STRIP1: variants seen among roughly 807,000 people sequenced by gnomAD.
STRIP1 encodes the protein striatin-interacting protein 1.
In STRIP1, 63 loss-of-function variants were observed where a neutral mutation model predicts 106.2. The ratio of observed to expected loss-of-function variants is 0.59; its 90% CI spans 0.48 to 0.73. The LOEUF (loss-of-function observed/expected upper bound fraction) is 0.73, where lower values mean the gene tolerates loss of function less well. Among genes scored for constraint, STRIP1 ranks in the 30% least tolerant of loss-of-function variants. The pLI, the probability that STRIP1 is intolerant of heterozygous loss-of-function variation, is 0.00. For synonymous variants in STRIP1, 390 were observed against 413.0 expected (o/e 0.94, Z 0.67); for missense variants, 857 against 1,074.8 (o/e 0.80, Z 2.83).
chr1:110,053,611 G>T, intron 20 of STRIP1, 54 bp from the exon 21 acceptor site: 2 of 1,597,486 alleles, frequency 1.3e-6, no homozygotes, highest in South Asian at 1.1e-5. Context: ...TGAATCCATG[G>T]GGAGCTGCTA....
chr1:110,048,770 T>C (rs768487627), intron 15 of STRIP1, among the ~76,000 whole-genome samples: 4 of 152,194 alleles, frequency 2.6e-5, no homozygotes, highest in Non-Finnish European at 4.4e-5. Context: ...CTTGCCAATA[T>C]CCTGGTATTC....
At chr1:110,051,149 G>A in intron 19 of STRIP1, 89 bp downstream of exon 19, 1 of 853,492 alleles carries the variant, frequency 1.2e-6, no homozygotes, top group Non-Finnish European at 2.0e-6. Context: ...GGGGCTCACT[G>A]TGCCTTCTCA....
chr1:110,053,921 GT>G lies in STRIP1; in HGVS notation c.*11del. ...AAGAGCTGCTGCAGTGAGGCTGTTG[GT>G]TAGGGGACTGAAATGGAGAGAAAAG... On this transcript the variant is annotated 3_prime_UTR_variant, in exon 21 of 21. Transcript: ENST00000369795. 1 of 1,613,844 alleles carries G rather than the reference GT, an allele frequency of 6.2e-7. No homozygotes were observed. Among genetic ancestry groups the G allele is most frequent in the Non-Finnish European group, 8.5e-7 (1 of 1,179,892 alleles).
At chr1:110,050,675 C>T (rs1446836003) in intron 18 of STRIP1, among the ~76,000 whole-genome samples, 1 of 152,212 alleles carries the variant, frequency 6.6e-6, no homozygotes, top group Non-Finnish European at 1.5e-5. Context: ...GGCTTCTCTC[C>T]CTCAACACTG....
Position 110,051,666 on chromosome 1 carries a change from C to T in STRIP1, c.2062-17C>T, listed in dbSNP as rs1361256360. 4 of 1,585,050 alleles carry T rather than the reference C, an allele frequency of 2.5e-6. No homozygotes were observed. Among genetic ancestry groups the T allele is most frequent in the Non-Finnish European group, 3.4e-6 (4 of 1,165,074 alleles). ...TTTTGTCTTCAACTTGGGCTGCTTG[C>T]TTGTTTCCCTTCCCAGATGCTGGTG... On this transcript the variant is annotated splice_polypyrimidine_tract_variant and intron_variant, in intron 19 of 20. Coordinates refer to ENST00000369795, the MANE Select transcript of STRIP1 (RefSeq NM_033088.4).
chr1:110,041,763 G>T lies in STRIP1; in HGVS notation c.787G>T (p.Ala263Ser), dbSNP rs923573675. Residue 263 changes from alanine (A) to serine (S), a missense_variant, in exon 8 of 21, where the codon GCC becomes TCC. Around this residue, in one of 2 missense-constraint regions of STRIP1, gnomAD observed 750 missense variants for 989.8 expected, o/e 0.76. Coordinates refer to ENST00000369795, the MANE Select transcript of STRIP1 (RefSeq NM_033088.4). ...CCCGCTGTACAACAATGAGCCATTT[G>T]CCATCATGCTGTTTGGGATGGTGAC... ...GSPLYNNEPF[A>S]IMLFGMVTKF... 6 of 1,614,114 alleles carry T rather than the reference G, an allele frequency of 3.7e-6. No homozygotes were observed. The East Asian group carries it at 1.3e-4, about 36-fold the overall frequency.
chr1:110,050,498 G>A lies in STRIP1; in HGVS notation c.1956+89G>A, dbSNP rs74540222. ...CTACCCCAACACTGCAGGAATAGAGGTGTCTCCCGCAGGTGAAATCACTGT... is the reference window on the plus strand; with the variant it reads ...CTACCCCAACACTGCAGGAATAGAGATGTCTCCCGCAGGTGAAATCACTGT... On this transcript the variant is annotated intron_variant, in intron 18 of 20. Coordinates refer to ENST00000369795, the MANE Select transcript of STRIP1 (RefSeq NM_033088.4). 3.3e-3 allele frequency: 4,213 copies of A among 1,257,878 alleles called. 98 individuals are homozygous for A. The African/African-American group carries it at 0.055, about 16-fold the overall frequency. The allele number at this position is 1,257,878 out of a possible 1,614,324, so 77.9% of individuals were successfully genotyped here.
Position 110,045,031 on chromosome 1 carries a change from G to C in STRIP1, c.1369G>C (p.Val457Leu), listed in dbSNP as rs1268560275. Residue 457 changes from valine (V) to leucine (L), a missense_variant, in exon 12 of 21, where the codon GTG becomes CTG. Coordinates refer to ENST00000369795, the MANE Select transcript of STRIP1 (RefSeq NM_033088.4). The stretch of plus-strand genomic sequence containing the variant: ...ATTCTCCAGTGACACGAACACAGTG[G>C]TGGGGCTGCCCAGGCCAATCCACGA... ...YTLGSDTNTV[V>L]GLPRPIHESI... The C allele has an allele frequency of 6.2e-7, 1 of 1,614,128 alleles. No individual in the cohort carries two copies.
rs1286341833 is a variant in STRIP1, at chr1:110,039,463, C to G, written c.529C>G (p.Leu177Val). The change falls in exon 5 of 21, where the codon CTG becomes GTG. Residue 177 changes from leucine to valine, a missense_variant. By Grantham distance (32) the Leu-to-Val change is conservative (BLOSUM62 1). This residue lies in a region of STRIP1 where 750 missense variants were observed against 989.8 expected (regional missense o/e 0.76). Transcript: ENST00000369795. ...GATGCGCTACAACATCTTTCTCCTCCTGGAGGTGGGCACGTTCAATGCTTT... is the reference window on the plus strand; with the variant it reads ...GATGCGCTACAACATCTTTCTCCTCGTGGAGGTGGGCACGTTCAATGCTTT... Reference protein sequence around the residue: ...SWMRYNIFLLLEVGTFNALVE... With the variant: ...SWMRYNIFLLVEVGTFNALVE... 6.2e-7 allele frequency: 1 copy of G among 1,612,640 alleles called. No homozygotes were observed. The highest frequency in any genetic ancestry group is 8.5e-7 in the Non-Finnish European group (1 of 1,179,402).
Position 110,046,747 on chromosome 1 carries a change from C to G in STRIP1, c.1484C>G (p.Ser495Ter). 1 of 1,611,306 alleles carries G rather than the reference C, an allele frequency of 6.2e-7. No individual in the cohort carries two copies. The highest frequency in any genetic ancestry group is 8.5e-7 in the Non-Finnish European group (1 of 1,177,962). The change falls in exon 13 of 21, where the codon TCA (serine) becomes TGA (stop). Residue 495 changes from serine to a stop codon, truncating the protein, a stop_gained. Transcript: ENST00000369795. LOFTEE classifies it high-confidence loss of function. ...MEEEYLRSPL[S>*]GGEEEVEQVP... ...GAGGAATACCTCCGCTCCCCTCTCT[C>G]AGGGGTAAGTTGGAGGTCCTCAGTC... is the stretch of plus-strand genomic sequence containing the variant.
intron 13 of STRIP1, 28 bp downstream of exon 13, chr1:110,046,779 C>T (rs1371462009): frequency 1.8e-5 from 28 of 1,561,492 alleles, no homozygotes; most frequent in Middle Eastern, 1.8e-4. Flanking sequence ...AGTCCGGGCG[C>T]GGTGGCTCAC....
chr1:110,045,333 C>G, intron 12 of STRIP1: 1 of 469,760 alleles, frequency 2.1e-6, no homozygotes, highest in South Asian at 2.2e-5. Context: ...ACCTGACCAC[C>G]GGGCACCAAG....
chr1:110,054,153 C>T lies in STRIP1; in HGVS notation c.*241C>T. On this transcript the variant is annotated 3_prime_UTR_variant, in exon 21 of 21. Coordinates refer to ENST00000369795, the MANE Select transcript of STRIP1 (RefSeq NM_033088.4). ...CCATTCTTCCTTTACTTCCCCCACC[C>T]TCCTCTCTTGGATATGGTTGGTTTT... 1 of 525,718 alleles carries T rather than the reference C, an allele frequency of 1.9e-6. No individual in the cohort carries two copies. Among genetic ancestry groups the T allele is most frequent in the South Asian group, 2.2e-5 (1 of 45,692 alleles). 32.6% of individuals were successfully genotyped at this position (525,718 alleles called of 1,614,324 possible).
At position 110,054,090 on chromosome 1, in the gene STRIP1, C is replaced by A; in HGVS notation, c.*178C>A. On this transcript the variant is annotated 3_prime_UTR_variant, in exon 21 of 21. Coordinates refer to ENST00000369795, the MANE Select transcript of STRIP1 (RefSeq NM_033088.4). ...CCCAGCTTGACCTCCCCTTGGTTCC[C>A]AGGGTCCTGCTCCGAAGCAGTCATC... 1.5e-6 allele frequency: 1 copy of A among 663,350 alleles called. No individual in the cohort carries two copies. The highest frequency in any genetic ancestry group is 2.6e-6 in the Non-Finnish European group (1 of 391,336). The allele number at this position is 663,350 out of a possible 1,614,324, so 41.1% of individuals were successfully genotyped here.
rs1172297779 is a variant in STRIP1, at chr1:110,051,811, G to C, written c.2190G>C (p.Lys730Asn). 1 of 1,613,624 alleles carries C rather than the reference G, an allele frequency of 6.2e-7. No individual in the cohort carries two copies. The highest frequency in any genetic ancestry group is 8.5e-7 in the Non-Finnish European group (1 of 1,180,042). Residue 730 changes from lysine (K) to asparagine (N), a missense_variant, in exon 20 of 21, where the codon AAG becomes AAC. Coordinates refer to ENST00000369795, the MANE Select transcript of STRIP1 (RefSeq NM_033088.4). Reference protein sequence around the residue: ...QTKYLGRQWRKSNMKTMSAIY... With the variant: ...QTKYLGRQWRNSNMKTMSAIY... ...AATACTTGGGGCGGCAGTGGCGAAA[G>C]AGCAACATGAAGACCATGTCTGCCA...
chr1:110,048,827 TA>T (rs1377784463), intron 15 of STRIP1, among the ~76,000 whole-genome samples: 1 of 152,150 alleles, frequency 6.6e-6, no homozygotes, highest in Non-Finnish European at 1.5e-5. Flanking sequence ...AGCAGAAGCT[TA>T]GGGGAGATCT....
chr1:110,042,090 C>A (rs1398841227), intron 8 of STRIP1, among the ~76,000 whole-genome samples: 1 of 152,098 alleles, frequency 6.6e-6, no homozygotes, highest in Non-Finnish European at 1.5e-5. Flanking sequence ...GCTCTCTGAC[C>A]CCGGAAGCTG....
At chr1:110,037,026 G>A (rs6682583) in intron 1 of STRIP1, among the ~76,000 whole-genome samples, 2,282 of 152,124 alleles carry the variant, frequency 0.015, 66 homozygotes, top group African/African-American at 0.052. Context: ...TTAGAGACGG[G>A]GTTTTACCAT....
At chr1:110,043,521 G>A in intron 9 of STRIP1, 118 bp from the exon 10 acceptor site, 1 of 1,005,838 alleles carries the variant, frequency 9.9e-7, no homozygotes, top group Admixed American at 2.3e-5. Flanking sequence ...TCCCACTGTG[G>A]TTTTTCCACT....
Sources: gnomAD v4.1 joint callset for allele counts (sites outside exome capture counted in the v4.1 genomes callset) on GRCh38, gnomAD v4.1.1 for gene constraint, gnomAD v4.1.1 regional missense constraint, MANE v1.5 for transcripts, NCBI Gene and HGNC (gene_info 2026-07-23, HGNC 2026-07-21) for gene names.